The following OSBPL11 variants were observed in gnomAD, a reference collection of about 807,000 sequenced individuals.
OSBPL11 encodes the protein oxysterol-binding protein-related protein 11.
Under a neutral mutation model 84.4 loss-of-function variants are expected in OSBPL11, and 33 were observed. That is an observed-to-expected ratio of 0.39 (90% CI 0.30 to 0.52). OSBPL11 has a LOEUF of 0.52. Among genes scored for constraint, OSBPL11 ranks in the 20% least tolerant of loss-of-function variants. The pLI is 0.72. For synonymous variants in OSBPL11, 276 were observed against 310.2 expected (o/e 0.89, Z 1.16); for missense variants, 736 against 901.1 (o/e 0.82, Z 2.35).
chr3:125,541,394 G>T (rs1935727041), intron 10 of OSBPL11, among the ~76,000 whole-genome samples: 1 of 152,224 alleles, frequency 6.6e-6, no homozygotes, highest in African/African-American at 2.4e-5. Context: ...GCATAAGGGT[G>T]AGCAAAAGCA....
chr3:125,594,581 G>T (rs1332052168), intron 1 of OSBPL11, 56 bp downstream of exon 1: 1 of 1,577,880 alleles, frequency 6.3e-7, no homozygotes, highest in East Asian at 2.3e-5. Context: ...GCAGCCTCCA[G>T]GGCATATTCA....
chr3:125,593,306 TAC>T (rs939432176), intron 1 of OSBPL11, among the ~76,000 whole-genome samples: 2 of 152,114 alleles, frequency 1.3e-5, no homozygotes, highest in African/African-American at 4.8e-5. Flanking sequence ...CTTCTTATCC[TAC>T]AGTCACTTAC....
At chr3:125,579,156 C>G in intron 3 of OSBPL11, 117 bp from the exon 4 acceptor site, 1 of 624,312 alleles carries the variant, frequency 1.6e-6, no homozygotes, top group Non-Finnish European at 2.5e-6. Context: ...CTCACTAGAG[C>G]AAACTTCCCT....
At chr3:125,580,509 C>A (rs1462779262) in intron 2 of OSBPL11, among the ~76,000 whole-genome samples, 2 of 103,800 alleles carry the variant, frequency 1.9e-5, no homozygotes, top group African/African-American at 8.0e-5. Context: ...AGCAAAACTC[C>A]GTCTCAAAAA....
intron 1 of OSBPL11, among the ~76,000 whole-genome samples, chr3:125,584,407 C>T (rs1252333347): frequency 6.6e-6 from 1 of 152,062 alleles, no homozygotes; most frequent in Non-Finnish European, 1.5e-5. Flanking sequence ...CTTACTCTTT[C>T]TCCATTCTGT....
intron 7 of OSBPL11, among the ~76,000 whole-genome samples, chr3:125,561,028 G>C (rs369467156): frequency 8.5e-4 from 129 of 151,306 alleles, no homozygotes; most frequent in African/African-American, 3.0e-3. Context: ...TTTGAAACAG[G>C]GTCTTGCTCT....
chr3:125,542,252 A>G (rs1435414967), intron 10 of OSBPL11, among the ~76,000 whole-genome samples: 1 of 152,224 alleles, frequency 6.6e-6, no homozygotes, highest in Non-Finnish European at 1.5e-5. Flanking sequence ...TACCGTAAGA[A>G]AGGTATATTT....
chr3:125,551,558 C>A (rs1364535353), intron 9 of OSBPL11, among the ~76,000 whole-genome samples: 1 of 151,996 alleles, frequency 6.6e-6, no homozygotes, highest in African/African-American at 2.4e-5. Flanking sequence ...CATCAGAGGT[C>A]AGGAGTTTGA....
Position 125,529,668 on chromosome 3 carries a change from G to A in OSBPL11, c.*847C>T, listed in dbSNP as rs577264176. The A allele has an allele frequency of 2.6e-5, 4 of 152,600 alleles. No homozygotes were observed. The highest frequency in any genetic ancestry group is 5.9e-5 in the Non-Finnish European group (4 of 67,976). 9.5% of individuals were successfully genotyped at this position (152,600 alleles called of 1,614,324 possible). A position where few individuals can be genotyped will look rare whatever the true frequency, so the allele number is the denominator to read the frequency against. ...GTAACAGTTTTATTTTTTAATATTT[G>A]CTATTTTCTTTAATGCCTTAGTTCT... is the stretch of plus-strand genomic sequence containing the variant. On this transcript the variant is annotated 3_prime_UTR_variant, in exon 13 of 13. Coordinates refer to ENST00000296220, the MANE Select transcript of OSBPL11 (RefSeq NM_022776.5).
At chr3:125,588,518 T>C (rs1936549367) in intron 1 of OSBPL11, among the ~76,000 whole-genome samples, 2 of 152,198 alleles carry the variant, frequency 1.3e-5, no homozygotes, top group South Asian at 4.1e-4. Context: ...CAAATAGCGA[T>C]ACCTTAAGGT....
At chr3:125,581,023 A>T (rs60972350) in intron 2 of OSBPL11, among the ~76,000 whole-genome samples, 20,309 of 152,166 alleles carry the variant, frequency 0.13, 1,391 homozygotes, top group South Asian at 0.18. Context: ...TTGGAAAAAA[A>T]AATTCTGATT....
intron 10 of OSBPL11, among the ~76,000 whole-genome samples, chr3:125,545,805 G>C (rs764404366): frequency 6.6e-6 from 1 of 152,040 alleles, no homozygotes; most frequent in South Asian, 2.1e-4. Flanking sequence ...GGAAACTAAG[G>C]GAGTAAGGGA....
intron 7 of OSBPL11, among the ~76,000 whole-genome samples, chr3:125,561,977 C>A (rs1422362086): frequency 6.6e-6 from 1 of 152,154 alleles, no homozygotes; most frequent in African/African-American, 2.4e-5. Context: ...AATTACCAGG[C>A]AAGCTTTCTC....
At position 125,547,561 on chromosome 3, in the gene OSBPL11, C is replaced by G. The variant is rs1343071376; in HGVS notation, c.1686G>C (p.Glu562Asp). The change falls in exon 10 of 13, where the codon GAG (glutamate) becomes GAC (aspartate). Residue 562 changes from glutamate to aspartate, a missense_variant. Transcript: ENST00000296220. ...ATGCACAGGGTAGAGAAAATGTGTA[C>G]TCTTCTCCATGCTCCAACAGACTAA... ...GILSLLEHGE[E>D]YTFSLPCAYA... The G allele has an allele frequency of 1.2e-6, 2 of 1,612,744 alleles. No homozygotes were observed. The highest frequency in any genetic ancestry group is 2.2e-5 in the South Asian group (2 of 90,832).
At chr3:125,544,439 G>A (rs1216381236) in intron 10 of OSBPL11, among the ~76,000 whole-genome samples, 1 of 152,114 alleles carries the variant, frequency 6.6e-6, no homozygotes, top group East Asian at 1.9e-4. Context: ...CAAAACCAAA[G>A]TTAAATATTC....
At chr3:125,547,658 T>A (rs1414518090) in intron 9 of OSBPL11, 66 bp from the exon 10 acceptor site, 5 of 1,289,548 alleles carry the variant, frequency 3.9e-6, no homozygotes, top group Non-Finnish European at 5.3e-6. Context: ...ACAATCCATA[T>A]TAATTTTGTT....
intron 1 of OSBPL11, among the ~76,000 whole-genome samples, chr3:125,583,406 A>C (rs4679410): frequency 0.068 from 10,286 of 151,082 alleles, 470 homozygotes; most frequent in Non-Finnish European, 0.099. Flanking sequence ...CATGGCGAAA[A>C]CCCATCTCTA....
At chr3:125,574,204 G>C (rs1350742706) in intron 5 of OSBPL11, among the ~76,000 whole-genome samples, 1 of 151,568 alleles carries the variant, frequency 6.6e-6, no homozygotes, top group African/African-American at 2.4e-5. Flanking sequence ...TGGAATGATA[G>C]TGAAAAGGCA....
intron 5 of OSBPL11, among the ~76,000 whole-genome samples, chr3:125,569,900 A>C (rs370979522): frequency 6.6e-6 from 1 of 152,230 alleles, no homozygotes; most frequent in Non-Finnish European, 1.5e-5. Context: ...GATAGTGAGG[A>C]AGGGTGTTGT....
Sources: allele counts gnomAD v4.1 joint callset (sites outside exome capture counted in the v4.1 genomes callset), GRCh38; gene constraint gnomAD v4.1.1; transcripts MANE v1.5; gene names NCBI Gene and HGNC (gene_info 2026-07-23, HGNC 2026-07-21).